The following CD58 variants were observed in gnomAD, a reference collection of about 807,000 sequenced individuals.
CD58 encodes lymphocyte function-associated antigen 3.
CD58 carries 14 observed loss-of-function variants against 27.6 expected under a neutral mutation model. The ratio of observed to expected loss-of-function variants is 0.51; its 90% confidence interval spans 0.34 to 0.79. CD58 has a LOEUF of 0.79. CD58 is among the 30% of genes least tolerant of loss of function. The pLI is 0.02. For synonymous variants in CD58, 117 were observed against 103.8 expected (o/e 1.13, Z -0.77); for missense variants, 268 against 301.7 (o/e 0.89, Z 0.83).
At chr1:116,569,933 G>C (rs913129204) in intron 1 of CD58, among the ~76,000 whole-genome samples, 3 of 152,224 alleles carry the variant, frequency 2.0e-5, no homozygotes, top group Admixed American at 1.3e-4. Flanking sequence ...TTATCTGATC[G>C]TGCGGGTACT....
At chr1:116,560,547 T>G (rs1254914889) in intron 1 of CD58, among the ~76,000 whole-genome samples, 1 of 152,234 alleles carries the variant, frequency 6.6e-6, no homozygotes, top group African/African-American at 2.4e-5. Flanking sequence ...TTTTTATTTT[T>G]TTCTGAATGT....
In CD58 at chr1:116,531,071, G is replaced by T. The variant is rs756012378; in HGVS notation, c.628+4894C>A. On this transcript the variant is annotated intron_variant, in intron 3 of 5. Coordinates refer to ENST00000369489, the MANE Select transcript of CD58 (RefSeq NM_001779.3). This position sits in a 1 kb window ranked among gnomAD's most constrained non-coding sequence, Gnocchi z 4.5. ...AATCACCATTATTTAATAATTAAAA[G>T]AATTTTTTCAAATTAATAGTACTTA... Among the ~76,000 whole-genome samples the T allele has an allele frequency of 3.3e-5, 5 of 152,084 alleles. No individual in the cohort carries two copies. Among genetic ancestry groups the T allele is most frequent in the Non-Finnish European group, 7.4e-5 (5 of 68,002 alleles).
chr1:116,519,030 G>A lies in CD58; in HGVS notation c.743+201C>T, dbSNP rs995525885. Reference sequence around the variant, plus strand: ...GCTCATTGAGAGGGTTCCAGGAAACGATATGCAGAGAGTGGCTAGTGCAGT... The same window carrying A: ...GCTCATTGAGAGGGTTCCAGGAAACAATATGCAGAGAGTGGCTAGTGCAGT... On this transcript the variant is annotated intron_variant, in intron 5 of 5. Transcript: ENST00000369489. This position sits in a 1 kb window ranked among gnomAD's most constrained non-coding sequence, Gnocchi z 4.7. 3 of 1,222,856 alleles carry A rather than the reference G, an allele frequency of 2.5e-6. No individual in the cohort carries two copies. The highest frequency in any genetic ancestry group is 1.6e-5 in the South Asian group (1 of 61,528). 75.8% of individuals were successfully genotyped at this position (1,222,856 alleles called of 1,614,324 possible). A position where few individuals can be genotyped will look rare whatever the true frequency, so the allele number is the denominator to read the frequency against.
chr1:116,568,686 T>A (rs1169905240), intron 1 of CD58, among the ~76,000 whole-genome samples: 1 of 152,262 alleles, frequency 6.6e-6, no homozygotes, highest in Non-Finnish European at 1.5e-5. Context: ...ATTTATTGCA[T>A]GACTGATGTT....
At position 116,550,923 on chromosome 1, in the gene CD58, G is replaced by A. The variant is rs1245941007; in HGVS notation, c.71-6319C>T. ...TCCATCAGAGCTCTTGGGTGATTAG[G>A]TGCATTGTCAACAAGCAATAATATA... On this transcript the variant is annotated intron_variant, in intron 1 of 5. Transcript: ENST00000369489. This position sits in a 1 kb window ranked among gnomAD's most constrained non-coding sequence, Gnocchi z 4.2. Among the ~76,000 whole-genome samples the A allele has an allele frequency of 6.6e-6, 1 of 152,110 alleles. No homozygotes were observed. The highest frequency in any genetic ancestry group is 2.4e-5 in the African/African-American group (1 of 41,418).
chr1:116,553,506 G>A (rs555784349), intron 1 of CD58, among the ~76,000 whole-genome samples: 2 of 152,176 alleles, frequency 1.3e-5, no homozygotes, highest in Non-Finnish European at 2.9e-5. Flanking sequence ...GAGGAGGAGA[G>A]GAGGTGCCAG....
Position 116,534,994 on chromosome 1 carries a change from T to C in CD58, c.628+971A>G, listed in dbSNP as rs1165975725. ...TTTACAATTATATTATTCTGAATAA[T>C]AGTATTTACTATTTTCGTCTCTTTT... On this transcript the variant is annotated intron_variant, in intron 3 of 5. Transcript: ENST00000369489. The surrounding 1 kb of genome is among the most constrained non-coding windows in gnomAD (Gnocchi z 5.3). Among the ~76,000 whole-genome samples the C allele has an allele frequency of 6.6e-6, 1 of 152,220 alleles. No individual in the cohort carries two copies. The highest frequency in any genetic ancestry group is 1.5e-5 in the Non-Finnish European group (1 of 68,042).
chr1:116,521,932 G>A lies in CD58; in HGVS notation c.680C>T (p.Thr227Ile), dbSNP rs141064359. Residue 227 changes from threonine (T) to isoleucine (I), a missense_variant, in exon 4 of 6, where the codon ACA (threonine) becomes ATA (isoleucine). Physicochemically the swap from Thr to Ile is moderately conservative, Grantham distance 89. Transcript: ENST00000369489. The surrounding 1 kb of genome is among the most constrained non-coding windows in gnomAD (Gnocchi z 5.6). ...ALIPIPLAVI[T>I]TCIVLYMNGI... ...ATTCATATACAGCACAATACATGTT[G>A]TAATTACTGCTAATGGTATGGGTAT... 8.9e-6 allele frequency: 14 copies of A among 1,573,126 alleles called. No individual in the cohort carries two copies. The African/African-American group carries it at 1.6e-4, about 18-fold the overall frequency.
In CD58 at chr1:116,536,190, T is replaced by C. The variant is rs1415821003; in HGVS notation, c.403A>G (p.Asn135Asp). 1.2e-6 allele frequency: 2 copies of C among 1,612,744 alleles called. No individual in the cohort carries two copies. The highest frequency in any genetic ancestry group is 1.7e-6 in the Non-Finnish European group (2 of 1,179,008). The change falls in exon 3 of 6, where the codon AAT becomes GAT. Residue 135 changes from asparagine to aspartate, a missense_variant. Coordinates refer to ENST00000369489, the MANE Select transcript of CD58 (RefSeq NM_001779.3). The surrounding 1 kb of genome is among the most constrained non-coding windows in gnomAD (Gnocchi z 5.4). ...ATGCATTGGACTTCAATGCTTCCAT[T>C]AGTCAATGCACAAGTTAGTGTGGGA... The part of the protein sequence containing the change: ...PSPTLTCALT[N>D]GSIEVQCMIP...
At chr1:116,545,751 G>A (rs1658147472) in intron 1 of CD58, among the ~76,000 whole-genome samples, 1 of 152,196 alleles carries the variant, frequency 6.6e-6, no homozygotes, top group African/African-American at 2.4e-5. Flanking sequence ...CACAGAAACT[G>A]ACTAATGCTT....
intron 1 of CD58, among the ~76,000 whole-genome samples, chr1:116,545,274 G>A (rs531366614): frequency 6.6e-6 from 1 of 152,170 alleles, no homozygotes; most frequent in Non-Finnish European, 1.5e-5. Flanking sequence ...TAATGGAGAG[G>A]AAGCCACAGA....
intron 2 of CD58, among the ~76,000 whole-genome samples, chr1:116,542,265 C>T (rs113972274): frequency 0.025 from 3,851 of 152,106 alleles, 163 homozygotes; most frequent in African/African-American, 0.085. Context: ...GCAACAAGGG[C>T]GAAACCCCCT....
chr1:116,544,571 C>T lies in CD58; in HGVS notation c.104G>A (p.Gly35Asp). The T allele has an allele frequency of 2.5e-6, 4 of 1,594,542 alleles. No individual in the cohort carries two copies. The highest frequency in any genetic ancestry group is 3.4e-6 in the Non-Finnish European group (4 of 1,170,612). The part of the protein sequence containing the change: ...FISCFSQQIY[G>D]VVYGNVTFHV... ...GAAAGTTACATTCCCATACACAACACCATATATTTGTTGGGAAAAACAGCT... is the reference window on the plus strand; with the variant it reads ...GAAAGTTACATTCCCATACACAACATCATATATTTGTTGGGAAAAACAGCT... Residue 35 changes from glycine (G) to aspartate (D), a missense_variant, in exon 2 of 6, where the codon GGT becomes GAT. Coordinates refer to ENST00000369489, the MANE Select transcript of CD58 (RefSeq NM_001779.3).
At chr1:116,565,268 T>G (rs780255629) in intron 1 of CD58, among the ~76,000 whole-genome samples, 2 of 152,218 alleles carry the variant, frequency 1.3e-5, no homozygotes, top group Non-Finnish European at 2.9e-5. Context: ...ATCTACAGGA[T>G]CCAACCCTGA....
Position 116,524,285 on chromosome 1 carries a change from A to G in CD58, c.629-2302T>C, listed in dbSNP as rs1414275. On this transcript the variant is annotated intron_variant, in intron 3 of 5. Coordinates refer to ENST00000369489, the MANE Select transcript of CD58 (RefSeq NM_001779.3). This position sits in a 1 kb window ranked among gnomAD's most constrained non-coding sequence, Gnocchi z 4.6. ...CTGAAACTGAAGAGTTTCCTGGGATATGAAATTCGGGTGCTGAAACTGGGA... is the reference window on the plus strand; with the variant it reads ...CTGAAACTGAAGAGTTTCCTGGGATGTGAAATTCGGGTGCTGAAACTGGGA... Among the ~76,000 whole-genome samples the G allele has an allele frequency of 0.21, 31,313 of 152,038 alleles. 4,361 individuals carry two copies. Among genetic ancestry groups the G allele is most frequent in the East Asian group, 0.57 (2,954 of 5,162 alleles).
rs999396653 is a variant in CD58, at chr1:116,523,587, C to T, written c.629-1604G>A. 1.3e-5 allele frequency among the ~76,000 whole-genome samples: 2 copies of T among 152,126 alleles called. No homozygotes were observed. Among genetic ancestry groups the T allele is most frequent in the East Asian group, 3.9e-4 (2 of 5,194 alleles). On this transcript the variant is annotated intron_variant, in intron 3 of 5. Transcript: ENST00000369489. The surrounding 1 kb of genome is among the most constrained non-coding windows in gnomAD (Gnocchi z 4.4). ...TCTTTAGTAGCAAAATTCAGATATT[C>T]CTTGGCAATAATACTCCCCAAGTAG...
chr1:116,563,475 A>T lies in CD58; in HGVS notation c.70+7428T>A, dbSNP rs982085885. On this transcript the variant is annotated intron_variant, in intron 1 of 5. Coordinates refer to ENST00000369489, the MANE Select transcript of CD58 (RefSeq NM_001779.3). The surrounding 1 kb of genome is among the most constrained non-coding windows in gnomAD (Gnocchi z 4.1). ...CTCCAACTCCACATTTCCCTTCCAC[A>T]CTGCCCTAGCAGAGGTTCTCCATGA... Among the ~76,000 whole-genome samples, 1 of 151,378 alleles carries T rather than the reference A, an allele frequency of 6.6e-6. No homozygotes were observed. Among genetic ancestry groups the T allele is most frequent in the East Asian group, 2.0e-4 (1 of 5,126 alleles).
At chr1:116,533,108 G>T in intron 3 of CD58, 1 of 747,580 alleles carries the variant, frequency 1.3e-6, no homozygotes, top group Non-Finnish European at 2.5e-6. Flanking sequence ...CACAGCCTGT[G>T]GTCCGCTCAC....
At chr1:116,555,940 C>T (rs1488233188) in intron 1 of CD58, among the ~76,000 whole-genome samples, 4 of 152,008 alleles carry the variant, frequency 2.6e-5, no homozygotes, top group Non-Finnish European at 5.9e-5. Flanking sequence ...CTGTGCCAGG[C>T]ACTGTTGCAA....
Sources: gnomAD v4.1 joint callset for allele counts (sites outside exome capture counted in the v4.1 genomes callset) on GRCh38, gnomAD v4.1.1 for gene constraint, Gnocchi (gnomAD v3.1) non-coding constraint, MANE v1.5 for transcripts, NCBI Gene and HGNC (gene_info 2026-07-23, HGNC 2026-07-21) for gene names.